Variants in FAM184A observed in about 807,000 individuals in gnomAD.
The protein encoded by FAM184A is family with sequence similarity 184 member A.
FAM184A carries 99 observed loss-of-function variants against 143.8 expected under a neutral mutation model. That is an observed-to-expected ratio of 0.69 (90% CI 0.58 to 0.81). The LOEUF (loss-of-function observed/expected upper bound fraction) is 0.81, where lower values mean the gene tolerates loss of function less well. Among genes scored for constraint, FAM184A ranks in the 40% least tolerant of loss-of-function variants. The probability of loss-of-function intolerance (pLI) is 0.00; values close to 1 mark genes in which losing one functional copy is unlikely to be tolerated. For missense variants in FAM184A, 1,217 were observed against 1,310.5 expected, an observed-to-expected ratio of 0.93 and a Z score of 1.10; for synonymous variants, 427 against 446.4, an observed-to-expected ratio of 0.96 and a Z score of 0.55.
At chr6:119,009,335 G>A (rs1341597159) in intron 6 of FAM184A, among the ~76,000 whole-genome samples, 6 of 152,150 alleles carry the variant, frequency 3.9e-5, no homozygotes, top group Non-Finnish European at 7.4e-5. Context: ...CCCAGTAGGA[G>A]GTGACTGAAT....
chr6:118,991,740 C>G (rs1447666817), intron 9 of FAM184A, among the ~76,000 whole-genome samples: 1 of 141,076 alleles, frequency 7.1e-6, no homozygotes, highest in East Asian at 2.1e-4. Context: ...AATGGGGTGC[C>G]CCTGAGAGGA....
chr6:119,028,164 T>A lies in FAM184A; in HGVS notation c.160-3351A>T, dbSNP rs544538225. ...CCATCAGGGAGGCCAGATTTGAGCA[T>A]TTAGCTGGCTGGTCCCCCCCTGCTT... On this transcript the variant is annotated intron_variant, in intron 1 of 17. Transcript: ENST00000338891. 3.9e-5 allele frequency among the ~76,000 whole-genome samples: 6 copies of A among 152,336 alleles called. No individual in the cohort carries two copies. In the South Asian group the frequency reaches 1.2e-3, roughly 32 times the overall value.
At chr6:119,146,396 ACGTGTGTG>A (rs1197911091) in intron 1 of FAM184A, among the ~76,000 whole-genome samples, 23 of 95,428 alleles carry the variant, frequency 2.4e-4, no homozygotes, top group African/African-American at 9.5e-4. Flanking sequence ...CGATTAACTT[ACGTGTGTG>A]TGTGTGTGTG....
chr6:119,046,352 T>C (rs150131713), intron 1 of FAM184A, among the ~76,000 whole-genome samples: 2 of 151,956 alleles, frequency 1.3e-5, no homozygotes, highest in Admixed American at 1.3e-4. Flanking sequence ...GCCTCCCAAG[T>C]AGCTGACAAG....
Position 119,046,957 on chromosome 6 carries a change from G to A in FAM184A, c.160-22144C>T, listed in dbSNP as rs1046479961. Among the ~76,000 whole-genome samples the A allele has an allele frequency of 2.0e-5, 3 of 152,058 alleles. No individual in the cohort carries two copies. The East Asian group carries it at 5.8e-4, about 29-fold the overall frequency. ...AAGTGAAGAGACAACCCACAGAGTA[G>A]AAAATATTTGCAAACTACCCATCTG... On this transcript the variant is annotated intron_variant, in intron 1 of 17. Transcript: ENST00000338891.
chr6:119,079,601 A>G (rs1269691882), upstream of FAM184A, among the ~76,000 whole-genome samples: 2 of 151,516 alleles, frequency 1.3e-5, no homozygotes, highest in African/African-American at 4.8e-5. Flanking sequence ...TAGGGCATGG[A>G]TAATACTTTA....
At chr6:119,025,932 G>T (rs1308201420) in intron 1 of FAM184A, among the ~76,000 whole-genome samples, 1 of 152,160 alleles carries the variant, frequency 6.6e-6, no homozygotes, top group East Asian at 1.9e-4. Context: ...TGCAGCCTGA[G>T]GTAACTGTGG....
chr6:119,062,387 G>C lies in FAM184A; in HGVS notation c.159+15754C>G, dbSNP rs1787292918. On this transcript the variant is annotated intron_variant, in intron 1 of 17. Coordinates refer to ENST00000338891, the MANE Select transcript of FAM184A (RefSeq NM_024581.6). ...GCATAAGATTGGTTAGTTTTGTCCT[G>C]GCATGGTGGCTCACATCTGTAATCT... Among the ~76,000 whole-genome samples, 3 of 152,120 alleles carry C rather than the reference G, an allele frequency of 2.0e-5. 1 individual carries two copies. Among genetic ancestry groups the C allele is most frequent in the Admixed American group, 2.0e-4 (3 of 15,270 alleles).
intron 14 of FAM184A, among the ~76,000 whole-genome samples, chr6:118,972,927 A>G (rs2114561753): frequency 6.6e-6 from 1 of 152,302 alleles, no homozygotes; most frequent in East Asian, 1.9e-4. Flanking sequence ...GCTGTTATAC[A>G]AGGCAGATAC....
chr6:119,009,896 G>A (rs554419021), intron 6 of FAM184A, among the ~76,000 whole-genome samples: 64 of 152,162 alleles, frequency 4.2e-4, no homozygotes, highest in South Asian at 2.3e-3. Context: ...GAAAAACTTC[G>A]TATATACTTA....
intron 1 of FAM184A, among the ~76,000 whole-genome samples, chr6:119,028,212 T>G (rs1785737397): frequency 6.6e-6 from 1 of 152,230 alleles, no homozygotes; most frequent in Non-Finnish European, 1.5e-5. Context: ...TAGGCAACTT[T>G]CTGTCACTGC....
At chr6:118,982,601 G>T (rs541764708) in intron 9 of FAM184A, among the ~76,000 whole-genome samples, 15 of 152,300 alleles carry the variant, frequency 9.8e-5, no homozygotes, top group African/African-American at 3.6e-4. Flanking sequence ...GTGCCATATA[G>T]GCTAGCAGTG....
chr6:119,014,315 C>A lies in FAM184A; in HGVS notation c.1530+2432G>T, dbSNP rs563313315. Among the ~76,000 whole-genome samples the A allele has an allele frequency of 3.3e-5, 5 of 152,316 alleles. No individual in the cohort carries two copies. The South Asian group carries it at 6.2e-4, about 19-fold the overall frequency. On this transcript the variant is annotated intron_variant, in intron 5 of 17. Transcript: ENST00000338891. ...AGGAACATTTTAAGTTGAATCATAT[C>A]TTTTGTCAGATGAGGAGCCTAAGGC... is the stretch of plus-strand genomic sequence containing the variant.
At chr6:119,123,619 G>A (rs9374781) in intron 1 of FAM184A, among the ~76,000 whole-genome samples, 74,211 of 151,932 alleles carry the variant, frequency 0.49, 19,478 homozygotes, top group East Asian at 0.67. Context: ...GTCTGACCCC[G>A]GCTCCCATCA....
intron 5 of FAM184A, among the ~76,000 whole-genome samples, chr6:119,015,000 A>G (rs1324301683): frequency 1.3e-5 from 2 of 151,982 alleles, no homozygotes; most frequent in Non-Finnish European, 2.9e-5. Context: ...TGGAGGTTGC[A>G]ATGAGCCGAG....
intron 1 of FAM184A, among the ~76,000 whole-genome samples, chr6:119,038,181 A>G (rs1786183048): frequency 6.6e-6 from 1 of 152,226 alleles, no homozygotes; most frequent in African/African-American, 2.4e-5. Flanking sequence ...ACAGGACAGT[A>G]ATCTCTCCTA....
intron 9 of FAM184A, among the ~76,000 whole-genome samples, chr6:118,988,273 A>G (rs1784255572): frequency 6.6e-6 from 1 of 152,240 alleles, no homozygotes; most frequent in Admixed American, 6.5e-5. Flanking sequence ...AACAAACTAA[A>G]CAAAAAGAAA....
chr6:119,020,822 C>A (rs1239000533), intron 3 of FAM184A, among the ~76,000 whole-genome samples: 1 of 152,026 alleles, frequency 6.6e-6, no homozygotes, highest in South Asian at 2.1e-4. Context: ...TGCACTATGT[C>A]CTGCAACATA....
At chr6:119,068,341 G>A (rs967158933) in intron 1 of FAM184A, among the ~76,000 whole-genome samples, 10 of 152,030 alleles carry the variant, frequency 6.6e-5, no homozygotes, top group African/African-American at 2.4e-4. Flanking sequence ...GAGCCACTGC[G>A]CCTGGCCTAA....
Sources: allele counts gnomAD v4.1 joint callset (sites outside exome capture counted in the v4.1 genomes callset), GRCh38; gene constraint gnomAD v4.1.1; transcripts MANE v1.5; gene names NCBI Gene and HGNC (gene_info 2026-07-23, HGNC 2026-07-21).